The following ADAMTS2 variants were observed in gnomAD, a reference collection of about 807,000 sequenced individuals.
The protein encoded by ADAMTS2 is ADAM metallopeptidase with thrombospondin type 1 motif 2, also known as A disintegrin and metalloproteinase with thrombospondin motifs 2.
Under a neutral mutation model 123.0 loss-of-function variants are expected in ADAMTS2, and 50 were observed. The ratio of observed to expected loss-of-function variants is 0.41; its 90% CI spans 0.32 to 0.51. ADAMTS2 has a LOEUF of 0.51. Among genes scored for constraint, ADAMTS2 ranks in the 20% least tolerant of loss-of-function variants. The pLI, the probability that ADAMTS2 is intolerant of heterozygous loss-of-function variation, is 0.35. For synonymous variants in ADAMTS2, 678 were observed against 695.4 expected, an observed-to-expected ratio of 0.98 and a Z score of 0.39; for missense variants, 1,494 against 1,705.2, an observed-to-expected ratio of 0.88 and a Z score of 2.18.
At chr5:179,210,145 C>T (rs1255242690) in intron 3 of ADAMTS2, among the ~76,000 whole-genome samples, 10 of 152,258 alleles carry the variant, frequency 6.6e-5, no homozygotes, top group East Asian at 5.8e-4. Flanking sequence ...TGAGGGGCCA[C>T]ACCTGGAGAC....
intron 10 of ADAMTS2, among the ~76,000 whole-genome samples, chr5:179,143,610 A>G (rs1438570814): frequency 1.3e-5 from 2 of 152,172 alleles, no homozygotes; most frequent in Non-Finnish European, 2.9e-5. Context: ...TTAGGCCATG[A>G]GGTCATCCTG....
intron 3 of ADAMTS2, among the ~76,000 whole-genome samples, chr5:179,217,478 T>G (rs1248171772): frequency 6.6e-6 from 1 of 152,192 alleles, no homozygotes; most frequent in Non-Finnish European, 1.5e-5. Flanking sequence ...TTAGGACAAC[T>G]GGTTAGAGGG....
At chr5:179,176,374 G>A (rs1419798914) in intron 5 of ADAMTS2, among the ~76,000 whole-genome samples, 3 of 152,052 alleles carry the variant, frequency 2.0e-5, no homozygotes, top group Non-Finnish European at 4.4e-5. Context: ...TCCAGACCCC[G>A]CAGGGCTCCA....
intron 2 of ADAMTS2, among the ~76,000 whole-genome samples, chr5:179,325,481 CG>C (rs1352784149): frequency 6.6e-6 from 1 of 152,216 alleles, no homozygotes; most frequent in Non-Finnish European, 1.5e-5. Flanking sequence ...ATCCTCTCCC[CG>C]ACCCACTCCC....
chr5:179,335,486 T>C (rs547606697), intron 2 of ADAMTS2, among the ~76,000 whole-genome samples: 1 of 152,218 alleles, frequency 6.6e-6, no homozygotes, highest in Non-Finnish European at 1.5e-5. Context: ...AAGTACTTAA[T>C]ACTTTGACTA....
chr5:179,341,729 A>AGAAAG lies in ADAMTS2; in HGVS notation c.534+2037_534+2038insCTTTC, dbSNP rs1554099714. On this transcript the variant is annotated intron_variant, in intron 2 of 21. Transcript: ENST00000251582. ...GACTCCGTCTCAAAAAAAAAAAAAA[A>AGAAAG]AAAGAAAACAGAACCAATGGTGCTG... 1.1e-4 allele frequency among the ~76,000 whole-genome samples: 16 copies of AGAAAG among 144,062 alleles called. 1 individual carries two copies. The highest frequency in any genetic ancestry group is 3.6e-4 in the African/African-American group (14 of 38,718). 94.5% of individuals were successfully genotyped at this position (144,062 alleles called of 152,430 possible).
In ADAMTS2 at chr5:179,211,806, G is replaced by A. The variant is rs539307418; in HGVS notation, c.689-4091C>T. Among the ~76,000 whole-genome samples, 18 of 152,260 alleles carry A rather than the reference G, an allele frequency of 1.2e-4. No homozygotes were observed. In the East Asian group the frequency reaches 1.5e-3, roughly 13 times the overall value. On this transcript the variant is annotated intron_variant, in intron 3 of 21. Transcript: ENST00000251582. ...ACTGCCAGCATCCTAGGCACACCCC[G>A]AGTCTCCAGGCAGGGGTGTGTGCAC...
At chr5:179,326,643 G>A (rs1361272561) in intron 2 of ADAMTS2, among the ~76,000 whole-genome samples, 1 of 152,100 alleles carries the variant, frequency 6.6e-6, no homozygotes, top group Non-Finnish European at 1.5e-5. Flanking sequence ...CAGGCCCTTC[G>A]CTGCTCAGTG....
chr5:179,293,423 G>C (rs1218579463), intron 2 of ADAMTS2, among the ~76,000 whole-genome samples: 1 of 152,244 alleles, frequency 6.6e-6, no homozygotes, highest in Non-Finnish European at 1.5e-5. Context: ...CAGTGAGTCA[G>C]AGCCGTGCGC....
chr5:179,318,787 GTT>G (rs1561737499), intron 2 of ADAMTS2, among the ~76,000 whole-genome samples: 2 of 151,760 alleles, frequency 1.3e-5, no homozygotes, highest in South Asian at 4.2e-4. Context: ...CTGTTTGAGC[GTT>G]GAGACGTTGG....
intron 3 of ADAMTS2, among the ~76,000 whole-genome samples, chr5:179,239,844 G>T (rs1765621147): frequency 6.6e-6 from 1 of 152,138 alleles, no homozygotes; most frequent in South Asian, 2.1e-4. Flanking sequence ...AAGAAAGTGG[G>T]TGTCCGGTAA....
intron 2 of ADAMTS2, among the ~76,000 whole-genome samples, chr5:179,331,145 G>A (rs1039176713): frequency 6.5e-4 from 99 of 151,322 alleles, no homozygotes; most frequent in Non-Finnish European, 1.0e-4. Context: ...AGGTACAGGT[G>A]CAGAGTGCAG....
At chr5:179,145,594 A>G (rs2113232827) in intron 10 of ADAMTS2, among the ~76,000 whole-genome samples, 1 of 152,328 alleles carries the variant, frequency 6.6e-6, no homozygotes, top group Admixed American at 6.5e-5. Flanking sequence ...CAAGTGAAAG[A>G]CGCCAGGCGC....
chr5:179,341,558 A>T (rs1253435143), intron 2 of ADAMTS2, among the ~76,000 whole-genome samples: 1 of 151,906 alleles, frequency 6.6e-6, no homozygotes, highest in East Asian at 1.9e-4. Flanking sequence ...AAAAAATAAA[A>T]AAAAATTAGC....
chr5:179,133,437 T>G (rs1762999993), intron 13 of ADAMTS2, among the ~76,000 whole-genome samples: 1 of 151,710 alleles, frequency 6.6e-6, no homozygotes, highest in Admixed American at 6.6e-5. Flanking sequence ...CTGGCTAATT[T>G]TTTTTGTATT....
At position 179,158,913 on chromosome 5, in the gene ADAMTS2, G is replaced by T. The variant is rs200057218; in HGVS notation, c.976-34C>A. On this transcript the variant is annotated intron_variant, in intron 5 of 21. Transcript: ENST00000251582. The surrounding 1 kb of genome is among the most constrained non-coding windows in gnomAD (Gnocchi z 5.0). ...GGATGGAGAGAAATGGAAGAGAGAG[G>T]TTGGCGCCTGGTGGCCCAGTGGGGG... The T allele has an allele frequency of 1.5e-5, 24 of 1,610,840 alleles. No individual in the cohort carries two copies. In the East Asian group the frequency reaches 5.1e-4, roughly 34 times the overall value.
intron 2 of ADAMTS2, among the ~76,000 whole-genome samples, chr5:179,286,575 C>A (rs936123719): frequency 6.6e-6 from 1 of 152,138 alleles, no homozygotes; most frequent in African/African-American, 2.4e-5. Flanking sequence ...GAACTGAGGG[C>A]CTGGGGACCC....
At chr5:179,310,663 A>T (rs1756805299) in intron 2 of ADAMTS2, among the ~76,000 whole-genome samples, 1 of 152,190 alleles carries the variant, frequency 6.6e-6, no homozygotes, top group South Asian at 2.1e-4. Flanking sequence ...TCCAGGCCCC[A>T]TCCAGACCAG....
At position 179,185,773 on chromosome 5, in the gene ADAMTS2, C is replaced by T. The variant is rs1021538010; in HGVS notation, c.892-4618G>A. The stretch of plus-strand genomic sequence containing the variant: ...CTGGGGAGCTCCACTGTGGGCTGTC[C>T]GCCAGCAGCCAGCTCCCACCTCCTG... On this transcript the variant is annotated intron_variant, in intron 4 of 21. Transcript: ENST00000251582. This position sits in a 1 kb window ranked among gnomAD's most constrained non-coding sequence, Gnocchi z 5.9. 4.6e-5 allele frequency among the ~76,000 whole-genome samples: 7 copies of T among 151,984 alleles called. No individual in the cohort carries two copies. Among genetic ancestry groups the T allele is most frequent in the Non-Finnish European group, 4.4e-5 (3 of 67,992 alleles).
Sources: gnomAD v4.1 joint callset for allele counts (sites outside exome capture counted in the v4.1 genomes callset) on GRCh38, gnomAD v4.1.1 for gene constraint, Gnocchi (gnomAD v3.1) non-coding constraint, MANE v1.5 for transcripts, NCBI Gene and HGNC (gene_info 2026-07-23, HGNC 2026-07-21) for gene names.